Variants in KCNQ5 observed in about 807,000 individuals in gnomAD.
KCNQ5 encodes the protein potassium voltage-gated channel subfamily Q member 5.
KCNQ5 carries 30 observed loss-of-function variants against 98.2 expected under a neutral mutation model. The observed-to-expected ratio is 0.31, with a 90% CI of 0.23 to 0.41. The LOEUF is 0.41. Among genes scored for constraint, KCNQ5 ranks in the 10% least tolerant of loss-of-function variants. The pLI, the probability that KCNQ5 is intolerant of heterozygous loss-of-function variation, is 1.00. For synonymous variants in KCNQ5, 458 were observed against 449.4 expected (o/e 1.02, Z -0.24); for missense variants, 835 against 1,182.5 (o/e 0.71, Z 4.31).
chr6:72,970,571 G>A (rs1767838490), intron 1 of KCNQ5, among the ~76,000 whole-genome samples: 1 of 152,146 alleles, frequency 6.6e-6, no homozygotes. Flanking sequence ...CAAAGCTGGA[G>A]GCATCACGCT....
chr6:73,173,497 G>A (rs1048393602), intron 11 of KCNQ5, among the ~76,000 whole-genome samples: 10 of 152,118 alleles, frequency 6.6e-5, no homozygotes, highest in African/African-American at 2.2e-4. Flanking sequence ...AAATTACCTA[G>A]ATATGTTCCT....
intron 7 of KCNQ5, among the ~76,000 whole-genome samples, chr6:73,111,910 T>G (rs1775257093): frequency 6.6e-6 from 1 of 152,236 alleles, no homozygotes; most frequent in Non-Finnish European, 1.5e-5. Context: ...CTATCCTATT[T>G]TGAGAGCTGA....
chr6:73,007,070 T>G (rs945755584), intron 2 of KCNQ5, among the ~76,000 whole-genome samples: 2 of 152,160 alleles, frequency 1.3e-5, no homozygotes, highest in Admixed American at 6.5e-5. Context: ...GGACTTTCGC[T>G]GTCCATCCCA....
intron 1 of KCNQ5, among the ~76,000 whole-genome samples, chr6:72,739,513 C>T (rs1174909840): frequency 6.6e-6 from 1 of 152,226 alleles, no homozygotes; most frequent in Non-Finnish European, 1.5e-5. Flanking sequence ...TGCTTCTGAA[C>T]TTCCTTTTCA....
intron 1 of KCNQ5, among the ~76,000 whole-genome samples, chr6:72,727,794 C>CA (rs61112332): frequency 0.37 from 55,640 of 151,962 alleles, 13,817 homozygotes; most frequent in African/African-American, 0.67. Flanking sequence ...GGCTTGGCCT[C>CA]AGTTGCAGGT....
chr6:72,688,697 A>C (rs1768070389), intron 1 of KCNQ5, among the ~76,000 whole-genome samples: 1 of 152,214 alleles, frequency 6.6e-6, no homozygotes. Flanking sequence ...GGTTTCAGAC[A>C]GCATTTAATG....
intron 1 of KCNQ5, among the ~76,000 whole-genome samples, chr6:72,860,709 A>G (rs1199679833): frequency 6.6e-6 from 1 of 152,176 alleles, no homozygotes; most frequent in Non-Finnish European, 1.5e-5. Context: ...TGTTCCAGAG[A>G]TACTTTCCCC....
intron 1 of KCNQ5, among the ~76,000 whole-genome samples, chr6:72,773,876 G>C (rs2154477561): frequency 6.6e-6 from 1 of 152,158 alleles, no homozygotes; most frequent in East Asian, 1.9e-4. Context: ...TAGAACTGTA[G>C]CATTTAAGAT....
At chr6:73,056,401 T>TAA (rs35917327) in intron 3 of KCNQ5, among the ~76,000 whole-genome samples, 1 of 147,546 alleles carries the variant, frequency 6.8e-6, no homozygotes, top group Non-Finnish European at 1.5e-5. Flanking sequence ...TACTTTTATT[T>TAA]AAAAAAAAAA....
chr6:72,665,980 T>TTC (rs1488255485), intron 1 of KCNQ5, among the ~76,000 whole-genome samples: 1 of 152,224 alleles, frequency 6.6e-6, no homozygotes, highest in Non-Finnish European at 1.5e-5. Flanking sequence ...TACTCTTGGC[T>TTC]TCTCATGACC....
intron 1 of KCNQ5, among the ~76,000 whole-genome samples, chr6:72,649,898 C>G (rs1306472306): frequency 6.6e-6 from 1 of 152,088 alleles, no homozygotes; most frequent in Non-Finnish European, 1.5e-5. Context: ...ATCCCAGAAG[C>G]TTGGTTCCTT....
chr6:72,760,932 T>C, intron 1 of KCNQ5, among the ~76,000 whole-genome samples: 1 of 152,196 alleles, frequency 6.6e-6, no homozygotes, highest in South Asian at 2.1e-4. Flanking sequence ...TTTAAATTCC[T>C]ACTTTGAGTC....
In KCNQ5 at chr6:72,657,070, C is replaced by T. The variant is rs192169435; in HGVS notation, c.398+34483C>T. 6.3e-4 allele frequency among the ~76,000 whole-genome samples: 96 copies of T among 152,004 alleles called. 1 individual carries two copies. Among genetic ancestry groups the T allele is most frequent in the African/African-American group, 2.2e-3 (93 of 41,468 alleles). On this transcript the variant is annotated intron_variant, in intron 1 of 13. Coordinates refer to ENST00000370398, the MANE Select transcript of KCNQ5 (RefSeq NM_019842.4). ...TAAAAAATAGAAAACATTAGTTGGG[C>T]GTGGTGGTGAATGTCTATAGTCGTA...
intron 1 of KCNQ5, among the ~76,000 whole-genome samples, chr6:72,655,092 CTTTCTGTT>C (rs1180791433): frequency 1.5e-5 from 2 of 132,978 alleles, no homozygotes; most frequent in African/African-American, 5.4e-5. Context: ...TTCTTTCTTT[CTTTCTGTT>C]TTTCTTTCTT....
intron 1 of KCNQ5, among the ~76,000 whole-genome samples, chr6:72,707,576 A>G (rs1769154664): frequency 6.6e-6 from 1 of 152,234 alleles, no homozygotes; most frequent in South Asian, 2.1e-4. Flanking sequence ...AAATGCTTAA[A>G]TATTCAATTT....
rs544930504 is a variant in KCNQ5 at position 73,014,549 on chromosome 6, T to C, written c.489+10551T>C. On this transcript the variant is annotated intron_variant, in intron 2 of 13. Transcript: ENST00000370398. ...CCAAACATCCAGATGTTTGACAGCT[T>C]CTACATATGCATATTTTCTCCTTAT... Among the ~76,000 whole-genome samples the C allele has an allele frequency of 3.9e-5, 6 of 152,198 alleles. 1 individual carries two copies. In the South Asian group the frequency reaches 1.2e-3, roughly 32 times the overall value.
intron 1 of KCNQ5, among the ~76,000 whole-genome samples, chr6:72,977,140 A>T (rs144017881): frequency 1.3e-5 from 2 of 152,292 alleles, no homozygotes; most frequent in African/African-American, 4.8e-5. Flanking sequence ...TTTATTTATT[A>T]TGTTAAAACA....
At chr6:72,714,059 CTA>C (rs954149412) in intron 1 of KCNQ5, among the ~76,000 whole-genome samples, 9 of 152,264 alleles carry the variant, frequency 5.9e-5, no homozygotes, top group Non-Finnish European at 1.0e-4. Context: ...GTTAGCTCAC[CTA>C]TGTGTCCTTA....
intron 5 of KCNQ5, among the ~76,000 whole-genome samples, chr6:73,096,049 G>A (rs553065913): frequency 8.5e-5 from 13 of 152,262 alleles, no homozygotes; most frequent in African/African-American, 3.1e-4. Flanking sequence ...GCCACTCTGA[G>A]TCCCAAAACC....
Sources: allele counts gnomAD v4.1 joint callset (sites outside exome capture counted in the v4.1 genomes callset), GRCh38; gene constraint gnomAD v4.1.1; transcripts MANE v1.5; gene names NCBI Gene and HGNC (gene_info 2026-07-23, HGNC 2026-07-21).